SLC26A7: variants seen among roughly 807,000 people sequenced by gnomAD.
The protein encoded by SLC26A7 is anion exchange transporter.
Under a neutral mutation model 82.5 loss-of-function variants are expected in SLC26A7, and 59 were observed. The ratio of observed to expected loss-of-function variants is 0.72; its 90% CI spans 0.58 to 0.89. The LOEUF is 0.89. Ranked by LOEUF, SLC26A7 falls within the 40% of genes least tolerant of loss-of-function variation. The probability of loss-of-function intolerance (pLI) is 0.00; values close to 1 mark genes in which losing one functional copy is unlikely to be tolerated. For synonymous variants in SLC26A7, 271 were observed against 274.3 expected (o/e 0.99, Z 0.12); for missense variants, 820 against 793.0 (o/e 1.03, Z -0.41).
intron 2 of SLC26A7, among the ~76,000 whole-genome samples, chr8:91,274,806 T>G (rs1811363983): frequency 6.6e-6 from 1 of 152,230 alleles, no homozygotes; most frequent in African/African-American, 2.4e-5. Flanking sequence ...ACTTCTAGAT[T>G]TTAGCTTTGC....
chr8:91,289,280 C>G (rs755622886), intron 3 of SLC26A7, 34 bp downstream of exon 3: 1 of 1,514,452 alleles, frequency 6.6e-7, no homozygotes, highest in Middle Eastern at 1.7e-4. Flanking sequence ...TCTAATGTTA[C>G]TCGCAAAAAA....
intron 2 of SLC26A7, among the ~76,000 whole-genome samples, chr8:91,231,897 A>G (rs573935115): frequency 7.2e-4 from 110 of 152,298 alleles, no homozygotes; most frequent in Non-Finnish European, 1.2e-3. Context: ...CATTACTACA[A>G]TGGCTTTTCC....
intron 2 of SLC26A7, among the ~76,000 whole-genome samples, chr8:91,285,478 TTAAC>T (rs1811686512): frequency 1.3e-5 from 2 of 152,284 alleles, no homozygotes; most frequent in South Asian, 4.1e-4. Context: ...TGAGCTCATC[TTAAC>T]TAACTATGTA....
chr8:91,256,500 T>C (rs982686968), intron 2 of SLC26A7, among the ~76,000 whole-genome samples: 1 of 152,134 alleles, frequency 6.6e-6, no homozygotes, highest in African/African-American at 2.4e-5. Flanking sequence ...AGTACATGTA[T>C]GAGACCTTTT....
intron 2 of SLC26A7, among the ~76,000 whole-genome samples, chr8:91,235,683 T>C (rs1810384862): frequency 6.6e-6 from 1 of 152,182 alleles, no homozygotes; most frequent in South Asian, 2.1e-4. Flanking sequence ...CAAACTGATG[T>C]TTAAAATATA....
intron 2 of SLC26A7, among the ~76,000 whole-genome samples, chr8:91,224,303 C>G (rs1323195120): frequency 1.3e-5 from 2 of 152,104 alleles, no homozygotes; most frequent in Admixed American, 6.5e-5. Flanking sequence ...CAATTCTCAT[C>G]TTCATGAGTT....
intron 7 of SLC26A7, among the ~76,000 whole-genome samples, chr8:91,338,638 A>C (rs1476428024): frequency 6.6e-6 from 1 of 152,150 alleles, no homozygotes; most frequent in Non-Finnish European, 1.5e-5. Context: ...CTGAAATAGC[A>C]AACCCTAGGC....
Position 91,263,234 on chromosome 8 carries a change from A to T in SLC26A7, c.193+13390A>T, listed in dbSNP as rs77730936. ...GTAAAAACTGAACTATAAAGGGACA[A>T]CCATCAGGCAGATATGGATGATATT... On this transcript the variant is annotated intron_variant, in intron 2 of 18. Coordinates refer to ENST00000276609, the MANE Select transcript of SLC26A7 (RefSeq NM_052832.4). Among the ~76,000 whole-genome samples, 435 of 152,198 alleles carry T rather than the reference A, an allele frequency of 2.9e-3. 5 individuals carry two copies. The East Asian group carries it at 0.029, about 10-fold the overall frequency.
chr8:91,290,396 AG>A (rs1811831911), intron 3 of SLC26A7, among the ~76,000 whole-genome samples: 1 of 152,170 alleles, frequency 6.6e-6, no homozygotes, highest in African/African-American at 2.4e-5. Context: ...ACTAAAACTA[AG>A]GTGTCAGCAG....
chr8:91,299,369 C>T (rs1163170134), intron 4 of SLC26A7, among the ~76,000 whole-genome samples: 1 of 151,914 alleles, frequency 6.6e-6, no homozygotes, highest in East Asian at 1.9e-4. Context: ...TTTTTCAACA[C>T]TGAGTTTATG....
In SLC26A7 at chr8:91,319,567, C is replaced by T. The variant is rs1171508466; in HGVS notation, c.642+1187C>T. Among the ~76,000 whole-genome samples the T allele has an allele frequency of 3.9e-5, 6 of 152,162 alleles. No homozygotes were observed. In the East Asian group the frequency reaches 7.7e-4, roughly 20 times the overall value. On this transcript the variant is annotated intron_variant, in intron 5 of 18. Transcript: ENST00000276609. ...ATTGTAAGAATGATTAACACTGAAA[C>T]AAGAACACTGGAACTGGGCCTGGAA...
At chr8:91,318,711 C>T in intron 5 of SLC26A7, among the ~76,000 whole-genome samples, 1 of 152,068 alleles carries the variant, frequency 6.6e-6, no homozygotes, top group East Asian at 1.9e-4. Flanking sequence ...CCAAGTTTAA[C>T]AATAGTGCAC....
intron 5 of SLC26A7, among the ~76,000 whole-genome samples, chr8:91,333,080 G>A (rs1016866930): frequency 6.6e-6 from 1 of 152,000 alleles, no homozygotes; most frequent in African/African-American, 2.4e-5. Context: ...CTAATTTAGG[G>A]TTCTTTAAAA....
intron 2 of SLC26A7, among the ~76,000 whole-genome samples, chr8:91,258,784 C>T (rs2130711551): frequency 6.6e-6 from 1 of 152,144 alleles, no homozygotes; most frequent in South Asian, 2.1e-4. Context: ...ACTCCTGAGC[C>T]CGTGCTTCTA....
intron 2 of SLC26A7, among the ~76,000 whole-genome samples, chr8:91,239,391 AAAAAATAT>A (rs1182173603): frequency 2.2e-4 from 23 of 105,246 alleles, no homozygotes; most frequent in African/African-American, 6.7e-4. Context: ...AAAAAAAAAA[AAAAAATAT>A]ATATATATAT....
In SLC26A7 at chr8:91,352,941, T is replaced by G. The variant is rs1813759784; in HGVS notation, c.1259T>G (p.Met420Arg). The G allele has an allele frequency of 1.9e-6, 3 of 1,609,008 alleles. No individual in the cohort carries two copies. Among genetic ancestry groups the G allele is most frequent in the Non-Finnish European group, 2.5e-6 (3 of 1,177,586 alleles). Reference protein sequence around the residue: ...ASIIVVGLKGMLIQFRDLKKY... With the variant: ...ASIIVVGLKGRLIQFRDLKKY... The stretch of plus-strand genomic sequence containing the variant: ...ATTATTGTTGTGGGACTGAAGGGAA[T>G]GCTAATACAGTTCCGAGATTTAAAA... Residue 420 changes from methionine to arginine, a missense_variant, in exon 11 of 19, where the codon ATG (methionine) becomes AGG (arginine). Met to Arg is a moderately conservative substitution (Grantham distance 91). Transcript: ENST00000276609.
At chr8:91,311,264 G>A (rs537886397) in intron 4 of SLC26A7, among the ~76,000 whole-genome samples, 1 of 152,240 alleles carries the variant, frequency 6.6e-6, no homozygotes, top group South Asian at 2.1e-4. Context: ...TGTCTGAAAA[G>A]ACTACATATT....
intron 3 of SLC26A7, among the ~76,000 whole-genome samples, chr8:91,289,655 A>G (rs1353559213): frequency 2.6e-5 from 4 of 152,228 alleles, no homozygotes; most frequent in African/African-American, 4.8e-5. Context: ...AAGAAAAAAA[A>G]AAAAGGAAGG....
chr8:91,386,918 C>T (rs1368993017), intron 15 of SLC26A7, among the ~76,000 whole-genome samples: 3 of 152,078 alleles, frequency 2.0e-5, no homozygotes, highest in Non-Finnish European at 4.4e-5. Context: ...AAGAAATCTT[C>T]AAATATTAAG....
Sources: allele counts gnomAD v4.1 joint callset (sites outside exome capture counted in the v4.1 genomes callset), GRCh38; gene constraint gnomAD v4.1.1; transcripts MANE v1.5; gene names NCBI Gene and HGNC (gene_info 2026-07-23, HGNC 2026-07-21).